Variants in EFCAB14 observed in about 807,000 individuals in gnomAD.
EFCAB14 encodes the protein EF-hand calcium-binding domain-containing protein 14.
A neutral mutation model predicts 56.5 loss-of-function variants in EFCAB14; 43 were observed. The observed-to-expected ratio is 0.76, with a 90% CI of 0.60 to 0.98. The LOEUF is 0.98. Ranked by LOEUF, EFCAB14 falls within the 50% of genes least tolerant of loss-of-function variation. The pLI is 0.00. For synonymous variants in EFCAB14, 235 were observed against 212.9 expected, an observed-to-expected ratio of 1.10 and a Z score of -0.90; for missense variants, 538 against 580.3, an observed-to-expected ratio of 0.93 and a Z score of 0.75.
intron 2 of EFCAB14, among the ~76,000 whole-genome samples, chr1:46,710,818 T>C (rs1226570312): frequency 1.3e-5 from 2 of 152,166 alleles, no homozygotes; most frequent in Non-Finnish European, 2.9e-5. Context: ...TCCTTAGTTG[T>C]TGGGATTACA....
At chr1:46,693,290 T>G (rs1447958256) in intron 4 of EFCAB14, among the ~76,000 whole-genome samples, 2 of 152,200 alleles carry the variant, frequency 1.3e-5, no homozygotes, top group African/African-American at 4.8e-5. Flanking sequence ...TGCTGACAGT[T>G]TTACAGTGCC....
intron 2 of EFCAB14, 86 bp from the exon 3 acceptor site, chr1:46,708,137 G>A: frequency 1.6e-6 from 2 of 1,273,286 alleles, no homozygotes; most frequent in Non-Finnish European, 2.1e-6. Context: ...CAGTAGGAAA[G>A]AAGATGGATT....
At chr1:46,706,617 T>C (rs1557449116) in intron 3 of EFCAB14, among the ~76,000 whole-genome samples, 1 of 152,204 alleles carries the variant, frequency 6.6e-6, no homozygotes, top group Non-Finnish European at 1.5e-5. Context: ...AGTGCTTCAA[T>C]GTGGTCTACT....
chr1:46,702,685 TATC>T (rs1380457024), intron 3 of EFCAB14, among the ~76,000 whole-genome samples: 1 of 151,940 alleles, frequency 6.6e-6, no homozygotes. Context: ...CCATCATCGT[TATC>T]ATCATCATTG....
At chr1:46,681,787 A>C (rs1173194322) in intron 10 of EFCAB14, among the ~76,000 whole-genome samples, 1 of 152,158 alleles carries the variant, frequency 6.6e-6, no homozygotes, top group Non-Finnish European at 1.5e-5. Flanking sequence ...TAGTCATCCA[A>C]AAGTATTTAA....
chr1:46,681,552 A>C (rs1019268938), intron 10 of EFCAB14, among the ~76,000 whole-genome samples: 21 of 152,228 alleles, frequency 1.4e-4, no homozygotes, highest in African/African-American at 4.1e-4. Flanking sequence ...TCACTCCTAC[A>C]ATAGGTGCAG....
chr1:46,694,795 A>C (rs1264448510), intron 4 of EFCAB14, among the ~76,000 whole-genome samples: 1 of 152,194 alleles, frequency 6.6e-6, no homozygotes, highest in Non-Finnish European at 1.5e-5. Context: ...TTATTGCGGC[A>C]CTATTCACAA....
Position 46,677,072 on chromosome 1 carries a change from G to A in EFCAB14, c.*1389C>T, listed in dbSNP as rs1482150020. On this transcript the variant is annotated 3_prime_UTR_variant, in exon 11 of 11. Transcript: ENST00000371933. Reference sequence around the variant, plus strand: ...TTCCCCTTTCAAGTTGTTGCCCAAAGACTGCTTCTAAGAACAACACAGCAA... The same window carrying A: ...TTCCCCTTTCAAGTTGTTGCCCAAAAACTGCTTCTAAGAACAACACAGCAA... The A allele has an allele frequency of 6.6e-6, 1 of 152,586 alleles. No individual in the cohort carries two copies. The highest frequency in any genetic ancestry group is 6.5e-5 in the Admixed American group (1 of 15,274). The allele number at this position is 152,586 out of a possible 1,614,324, so 9.5% of individuals were successfully genotyped here.
At chr1:46,686,712 T>A in intron 8 of EFCAB14, 72 bp downstream of exon 8, 1 of 1,441,300 alleles carries the variant, frequency 6.9e-7, no homozygotes, top group Non-Finnish European at 9.7e-7. Flanking sequence ...TTTGAAAAAG[T>A]AGCAGTAGAT....
intron 10 of EFCAB14, among the ~76,000 whole-genome samples, chr1:46,682,591 T>C (rs1477728495): frequency 6.6e-6 from 1 of 152,222 alleles, no homozygotes; most frequent in Non-Finnish European, 1.5e-5. Context: ...TCCATTAGAC[T>C]GTAATATCCT....
At chr1:46,697,531 T>A (rs1677093792) in intron 3 of EFCAB14, among the ~76,000 whole-genome samples, 1 of 152,172 alleles carries the variant, frequency 6.6e-6, no homozygotes, top group South Asian at 2.1e-4. Flanking sequence ...AGAACACAGA[T>A]CTACCAATAG....
chr1:46,706,414 C>T (rs1677234761), intron 3 of EFCAB14, among the ~76,000 whole-genome samples: 1 of 152,176 alleles, frequency 6.6e-6, no homozygotes, highest in Non-Finnish European at 1.5e-5. Context: ...TATGTGTTTT[C>T]TCCCACCATG....
At position 46,678,500 on chromosome 1, in the gene EFCAB14, T is replaced by A; in HGVS notation, c.1449A>T (p.Arg483Ser). The change falls in exon 11 of 11, where the codon AGA becomes AGT. Residue 483 changes from arginine to serine, a missense_variant. Coordinates refer to ENST00000371933, the MANE Select transcript of EFCAB14 (RefSeq NM_014774.3). Reference sequence around the variant, plus strand: ...CTACCCTTAGCTCCAGGAATGAGTATCTTCCATCTCCATCGGAATCAAATG... The same window carrying A: ...CTACCCTTAGCTCCAGGAATGAGTAACTTCCATCTCCATCGGAATCAAATG... ...LRAFDSDGDG[R>S]YSFLELRVAL... The A allele has an allele frequency of 6.2e-7, 1 of 1,614,174 alleles. No homozygotes were observed. Among genetic ancestry groups the A allele is most frequent in the Non-Finnish European group, 8.5e-7 (1 of 1,180,034 alleles).
rs1569690268 is a variant in EFCAB14 at position 46,686,838 on chromosome 1, CTG to C, written c.1018_1019del (p.Gln340ValfsTer22). On this transcript the variant is annotated frameshift_variant, in exon 8 of 11. Transcript: ENST00000371933. LOFTEE classifies it high-confidence loss of function. ...MGDRSATLKR[Q>X]SLDQVTNRTD... ...TTCTGTTGGTGACTTGATCCAAAGA[CTG>C]TCTTTTCAGAGTGGCAGATCTATCA... The C allele has an allele frequency of 1.9e-6, 3 of 1,613,798 alleles. No homozygotes were observed. Among genetic ancestry groups the C allele is most frequent in the Non-Finnish European group, 2.5e-6 (3 of 1,179,836 alleles).
At chr1:46,711,408 T>A (rs1456471018) in intron 2 of EFCAB14, among the ~76,000 whole-genome samples, 1 of 152,118 alleles carries the variant, frequency 6.6e-6, no homozygotes, top group Non-Finnish European at 1.5e-5. Context: ...GAAGAGGAAA[T>A]AGACAAATAC....
rs1276662355 is a variant in EFCAB14 at position 46,679,715 on chromosome 1, A to T, written c.1313-1079T>A. On this transcript the variant is annotated intron_variant, in intron 10 of 10. Coordinates refer to ENST00000371933, the MANE Select transcript of EFCAB14 (RefSeq NM_014774.3). ...AACCTCTGCCTCCTAGGTTCAAGCT[A>T]TTCTCCTGCCTCAGCCTCCTTAGTA... Among the ~76,000 whole-genome samples the T allele has an allele frequency of 4.2e-5, 6 of 142,398 alleles. No homozygotes were observed. The Admixed American group carries it at 4.6e-4, about 11-fold the overall frequency. The allele number at this position is 142,398 out of a possible 152,430, so 93.4% of individuals were successfully genotyped here. A position where few individuals can be genotyped will look rare whatever the true frequency, so the allele number is the denominator to read the frequency against.
Position 46,677,783 on chromosome 1 carries a change from G to C in EFCAB14, c.*678C>G, listed in dbSNP as rs1428749975. 1 of 152,238 alleles carries C rather than the reference G, an allele frequency of 6.6e-6. No individual in the cohort carries two copies. Among genetic ancestry groups the C allele is most frequent in the Non-Finnish European group, 1.5e-5 (1 of 68,026 alleles). 9.4% of individuals were successfully genotyped at this position (152,238 alleles called of 1,614,324 possible). A position where few individuals can be genotyped will look rare whatever the true frequency, so the allele number is the denominator to read the frequency against. ...ATCCTACTTCCATGAGCCATGCCTG[G>C]AGTCAGTATTGTCTCCAGTGTCTAC... On this transcript the variant is annotated 3_prime_UTR_variant, in exon 11 of 11. Coordinates refer to ENST00000371933, the MANE Select transcript of EFCAB14 (RefSeq NM_014774.3).
intron 10 of EFCAB14, among the ~76,000 whole-genome samples, chr1:46,679,757 T>C (rs1171032116): frequency 2.0e-5 from 3 of 151,622 alleles, no homozygotes; most frequent in African/African-American, 4.9e-5. Flanking sequence ...ATGACAGGTG[T>C]GTATCACCAG....
chr1:46,712,365 T>A (rs917283862), intron 2 of EFCAB14, among the ~76,000 whole-genome samples: 1 of 152,188 alleles, frequency 6.6e-6, no homozygotes, highest in Admixed American at 6.5e-5. Flanking sequence ...GAGAATAGAA[T>A]CTTCCTTAGA....
Sources: gnomAD v4.1 joint callset for allele counts (sites outside exome capture counted in the v4.1 genomes callset) on GRCh38, gnomAD v4.1.1 for gene constraint, MANE v1.5 for transcripts, NCBI Gene and HGNC (gene_info 2026-07-23, HGNC 2026-07-21) for gene names.